The following PCLO variants were observed in gnomAD, a reference collection of about 807,000 sequenced individuals.
The protein encoded by PCLO is piccolo presynaptic cytomatrix protein.
Under a neutral mutation model 427.5 loss-of-function variants are expected in PCLO, and 82 were observed. That is an observed-to-expected ratio of 0.19 (90% confidence interval 0.16 to 0.23). PCLO has a LOEUF of 0.23. Ranked by LOEUF, PCLO falls within the 10% of genes least tolerant of loss-of-function variation. The pLI, the probability that PCLO is intolerant of heterozygous loss-of-function variation, is 1.00. For synonymous variants in PCLO, 2,357 were observed against 2,155.4 expected (o/e 1.09, Z -2.59); for missense variants, 6,239 against 6,115.9 (o/e 1.02, Z -0.67).
intron 3 of PCLO, among the ~76,000 whole-genome samples, chr7:82,998,461 G>A (rs1282631114): frequency 1.3e-5 from 2 of 151,736 alleles, no homozygotes; most frequent in African/African-American, 2.4e-5. Context: ...TTGAACTGCT[G>A]GGGTTTCACT....
At chr7:82,851,029 T>A in intron 10 of PCLO, among the ~76,000 whole-genome samples, 1 of 152,054 alleles carries the variant, frequency 6.6e-6, no homozygotes, top group East Asian at 1.9e-4. Context: ...ATGTGTTGAT[T>A]GGAATGTGGG....
In PCLO at chr7:82,863,063, G is replaced by T. The variant is rs545849373; in HGVS notation, c.13655-15816C>A. ...AGGGCATGGATACCCTATTCTCCAT[G>T]ATGTGTTTGTTTATCTTTGCATGCC... On this transcript the variant is annotated intron_variant, in intron 10 of 24. Coordinates refer to ENST00000333891, the MANE Select transcript of PCLO (RefSeq NM_033026.6). Among the ~76,000 whole-genome samples the T allele has an allele frequency of 7.9e-5, 12 of 152,048 alleles. No individual in the cohort carries two copies. In the South Asian group the frequency reaches 2.3e-3, roughly 29 times the overall value.
rs771843353 is a variant in PCLO, at chr7:83,134,500, G to T, written c.3050C>A (p.Thr1017Lys). The change falls in exon 3 of 25, where the codon ACA becomes AAA. Residue 1017 changes from threonine (T) to lysine (K), a missense_variant. Coordinates refer to ENST00000333891, the MANE Select transcript of PCLO (RefSeq NM_033026.6). ...KLEPKAEQAP[T>K]VKRTETEKKP... Reference sequence around the variant, plus strand: ...TTTTTCTGTTTCTGTTCTTTTTACTGTTGGAGCTTGTTCAGCTTTGGGCTC... The same window carrying T: ...TTTTTCTGTTTCTGTTCTTTTTACTTTTGGAGCTTGTTCAGCTTTGGGCTC... 6.2e-7 allele frequency: 1 copy of T among 1,613,684 alleles called. No homozygotes were observed. Among genetic ancestry groups the T allele is most frequent in the Non-Finnish European group, 8.5e-7 (1 of 1,179,866 alleles).
intron 6 of PCLO, among the ~76,000 whole-genome samples, chr7:82,941,016 C>T (rs970100041): frequency 5.9e-5 from 9 of 151,848 alleles, no homozygotes; most frequent in Non-Finnish European, 8.8e-5. Flanking sequence ...CCTGCCTCGG[C>T]CTCCCAAAGT....
intron 1 of PCLO, among the ~76,000 whole-genome samples, chr7:83,161,490 T>A (rs1328712955): frequency 6.6e-6 from 1 of 152,186 alleles, no homozygotes; most frequent in Non-Finnish European, 1.5e-5. Context: ...ACAACTAATC[T>A]ATTGGGATGA....
At chr7:82,786,197 G>A (rs996344381) in intron 22 of PCLO, among the ~76,000 whole-genome samples, 1 of 152,070 alleles carries the variant, frequency 6.6e-6, no homozygotes, top group Non-Finnish European at 1.5e-5. Flanking sequence ...GCAAGGATTT[G>A]GCAATTGCCT....
At position 82,845,439 on chromosome 7, in the gene PCLO, T is replaced by G. The variant is rs958379150; in HGVS notation, c.13878A>C (p.Ala4626=). The change falls in exon 13 of 25, where the codon GCA becomes GCC. Residue 4626 remains alanine (A), a synonymous_variant. Transcript: ENST00000333891. ...GCTGTAGTGAAACCTTCTGGAGTTC[T>G]GCTGCCAACTGCTTAGGATCAACCC... ...SPGVDPKQLA[A]ELQKVSLQQS... The G allele has an allele frequency of 6.2e-7, 1 of 1,613,036 alleles. No homozygotes were observed. The highest frequency in any genetic ancestry group is 1.3e-5 in the African/African-American group (1 of 74,892).
Position 82,827,973 on chromosome 7 carries a change from TG to T in PCLO, c.14250-8del. 1 of 1,538,144 alleles carries T rather than the reference TG, an allele frequency of 6.5e-7. No homozygotes were observed. The highest frequency in any genetic ancestry group is 9.0e-7 in the Non-Finnish European group (1 of 1,114,144). ...CCTTCTCTTGTACTCAGCACTGAATTGGGAGAAAAGAAAGAGTTATCTTGAT... is the reference window on the plus strand; with the variant it reads ...CCTTCTCTTGTACTCAGCACTGAATTGGAGAAAAGAAAGAGTTATCTTGAT... On this transcript the variant is annotated splice_polypyrimidine_tract_variant and splice_region_variant and intron_variant, in intron 16 of 24. Transcript: ENST00000333891.
Position 82,760,766 on chromosome 7 carries a change from T to C in PCLO, c.15161A>G (p.Tyr5054Cys). ...DHLPDLYVKI[Y>C]VMNISTQKKV... Reference sequence around the variant, plus strand: ...TTTTTGGGTAGAAATATTCATCACATATATTTTCACATATAAATCTGAAAA... The same window carrying C: ...TTTTTGGGTAGAAATATTCATCACACATATTTTCACATATAAATCTGAAAA... The change falls in exon 24 of 25, where the codon TAT becomes TGT. Residue 5054 changes from tyrosine (Y) to cysteine (C), a missense_variant. Tyr to Cys is a radical substitution (Grantham distance 194, BLOSUM62 -2). Around this residue, in one of 5 missense-constraint regions of PCLO, gnomAD observed 877 missense variants for 925.5 expected, o/e 0.95. Transcript: ENST00000333891. The C allele has an allele frequency of 6.8e-7, 1 of 1,469,788 alleles. No homozygotes were observed. Among genetic ancestry groups the C allele is most frequent in the Non-Finnish European group, 9.4e-7 (1 of 1,061,514 alleles). The allele number at this position is 1,469,788 out of a possible 1,614,324, so 91.0% of individuals were successfully genotyped here. A position where few individuals can be genotyped will look rare whatever the true frequency, so the allele number is the denominator to read the frequency against.
intron 9 of PCLO, among the ~76,000 whole-genome samples, chr7:82,891,119 T>C (rs1325247974): frequency 6.6e-6 from 1 of 152,084 alleles, no homozygotes; most frequent in Non-Finnish European, 1.5e-5. Context: ...TATGTATGCA[T>C]ATATGTATCT....
chr7:82,964,967 T>C (rs1029425082), intron 4 of PCLO, among the ~76,000 whole-genome samples: 3 of 152,216 alleles, frequency 2.0e-5, no homozygotes, highest in African/African-American at 7.2e-5. Flanking sequence ...TGGTAAGTCA[T>C]TGCTGTCCTC....
chr7:82,971,204 A>T (rs1795894951), intron 3 of PCLO, among the ~76,000 whole-genome samples: 1 of 151,854 alleles, frequency 6.6e-6, no homozygotes, highest in East Asian at 1.9e-4. Flanking sequence ...TTACGTAACA[A>T]CTCAATGTAT....
chr7:83,122,933 T>G (rs1443917296), intron 3 of PCLO, among the ~76,000 whole-genome samples: 1 of 152,020 alleles, frequency 6.6e-6, no homozygotes, highest in East Asian at 1.9e-4. Flanking sequence ...ACCAAGGAAG[T>G]GAAAGTTCTC....
In PCLO at chr7:82,916,775, T is replaced by C. The variant is rs1562856900; in HGVS notation, c.11211A>G (p.Gln3737=). 3 of 1,613,544 alleles carry C rather than the reference T, an allele frequency of 1.9e-6. No homozygotes were observed. The highest frequency in any genetic ancestry group is 2.2e-5 in the East Asian group (1 of 44,852). The part of the protein sequence containing the change: ...PPPEEISTGT[Q]STFSTMGTVS... ...CTGTGCCCATTGTGCTGAATGTGGA[T>C]TGAGTTCCTGTGGAAATCTCCTCAG... Residue 3737 remains glutamine, a synonymous_variant, in exon 7 of 25, where the codon CAA becomes CAG. Coordinates refer to ENST00000333891, the MANE Select transcript of PCLO (RefSeq NM_033026.6).
chr7:82,892,231 A>G (rs1793785534), intron 9 of PCLO, among the ~76,000 whole-genome samples: 1 of 152,176 alleles, frequency 6.6e-6, no homozygotes, highest in Admixed American at 6.6e-5. Flanking sequence ...AAACAGAGAT[A>G]TAGATCAATG....
chr7:82,916,080 T>A lies in PCLO; in HGVS notation c.11906A>T (p.Tyr3969Phe), dbSNP rs1490499378. The change falls in exon 7 of 25, where the codon TAT becomes TTT. Residue 3969 changes from tyrosine (Y) to phenylalanine (F), a missense_variant. By Grantham distance (22) the Tyr-to-Phe change is conservative. Transcript: ENST00000333891. ...IQQKPRQTTL[Y>F]LEPKITSNYE... ...GTTTGAGGTTATCTTGGGCTCCAAA[T>A]ATAATGTAGTTTGCCGTGGCTTCTG... The A allele has an allele frequency of 2.5e-6, 4 of 1,613,528 alleles. No individual in the cohort carries two copies. Among genetic ancestry groups the A allele is most frequent in the Non-Finnish European group, 3.4e-6 (4 of 1,179,738 alleles).
chr7:82,894,031 C>G (rs2116140791), intron 9 of PCLO, among the ~76,000 whole-genome samples: 1 of 151,768 alleles, frequency 6.6e-6, no homozygotes, highest in East Asian at 1.9e-4. Flanking sequence ...GTATAAAAAT[C>G]TTATACAATC....
At chr7:83,105,196 AT>A (rs1790824047) in intron 3 of PCLO, among the ~76,000 whole-genome samples, 1 of 152,160 alleles carries the variant, frequency 6.6e-6, no homozygotes, top group Non-Finnish European at 1.5e-5. Flanking sequence ...CAAGAAAGCA[AT>A]ACATCACTTA....
intron 3 of PCLO, among the ~76,000 whole-genome samples, chr7:83,062,436 A>G (rs536777938): frequency 6.6e-6 from 1 of 152,334 alleles, no homozygotes; most frequent in Admixed American, 6.5e-5. Flanking sequence ...TTCATTGAAC[A>G]TGATAAAAAT....
Sources: allele counts gnomAD v4.1 joint callset (sites outside exome capture counted in the v4.1 genomes callset), GRCh38; gene constraint gnomAD v4.1.1; regional missense constraint gnomAD v4.1.1; transcripts MANE v1.5; gene names NCBI Gene and HGNC (gene_info 2026-07-23, HGNC 2026-07-21).